KCNIP1: variants seen among roughly 807,000 people sequenced by gnomAD.
The protein encoded by KCNIP1 is potassium voltage-gated channel interacting protein 1.
A neutral mutation model predicts 33.0 loss-of-function variants in KCNIP1; 18 were observed. That is an observed-to-expected ratio of 0.55 (90% CI 0.38 to 0.81). The LOEUF (loss-of-function observed/expected upper bound fraction) is 0.81, where lower values mean the gene tolerates loss of function less well. Among genes scored for constraint, KCNIP1 ranks in the 30% least tolerant of loss-of-function variants. The pLI is 0.00. For missense variants in KCNIP1, 238 were observed against 271.6 expected, an observed-to-expected ratio of 0.88 and a Z score of 0.87; for synonymous variants, 93 against 98.3, an observed-to-expected ratio of 0.95 and a Z score of 0.32.
chr5:170,365,698 G>A (rs1486319268), intron 1 of KCNIP1, among the ~76,000 whole-genome samples: 4 of 152,196 alleles, frequency 2.6e-5, no homozygotes, highest in Admixed American at 1.3e-4. Context: ...AGGACTTTCT[G>A]GAAACATGAT....
intron 1 of KCNIP1, among the ~76,000 whole-genome samples, chr5:170,658,649 G>A (rs1761361371): frequency 6.6e-6 from 1 of 152,150 alleles, no homozygotes; most frequent in South Asian, 2.1e-4. Context: ...GTGGGCAGCT[G>A]AGGAAGGGTC....
rs563497675 is a variant in KCNIP1, at chr5:170,604,965, G to A, written c.61+100332G>A. Among the ~76,000 whole-genome samples, 8 of 152,266 alleles carry A rather than the reference G, an allele frequency of 5.3e-5. 1 individual carries two copies. The highest frequency in any genetic ancestry group is 5.2e-4 in the Admixed American group (8 of 15,300). On this transcript the variant is annotated intron_variant, in intron 1 of 7. Transcript: ENST00000328939. ...GAGCAGACTTGGTTCTGAGCCAGGG[G>A]GTCTCCCTCTTTCCCTCCTCCAGCT... is the stretch of plus-strand genomic sequence containing the variant.
intron 1 of KCNIP1, chr5:170,382,774 C>A (rs1764296507): frequency 6.6e-6 from 1 of 152,140 alleles, no homozygotes; most frequent in African/African-American, 2.4e-5. Flanking sequence ...GGAAAACATC[C>A]CCCTCCTCTA....
Position 170,383,602 on chromosome 5 carries a change from G to A in KCNIP1, c.88+29638G>A, listed in dbSNP as rs772605553. 13 of 1,519,870 alleles carry A rather than the reference G, an allele frequency of 8.6e-6. No homozygotes were observed. In the East Asian group the frequency reaches 2.9e-4, roughly 34 times the overall value. 94.1% of individuals were successfully genotyped at this position (1,519,870 alleles called of 1,614,324 possible). ...GTGGGTTGATCTTTCTCAGCCTCGG[G>A]GACAGGGACAGTTAGGAACAGGCTC... On this transcript the variant is annotated intron_variant, in intron 1 of 7. Transcript: ENST00000377360.
intron 1 of KCNIP1, among the ~76,000 whole-genome samples, chr5:170,555,077 C>T (rs1346800010): frequency 3.3e-5 from 5 of 152,158 alleles, no homozygotes; most frequent in Non-Finnish European, 7.3e-5. Context: ...GAATCACGTT[C>T]GTTCCCAGCC....
rs570562503 is a variant in KCNIP1 at position 170,360,979 on chromosome 5, C to G, written c.88+7015C>G. Among the ~76,000 whole-genome samples the G allele has an allele frequency of 4.0e-3, 606 of 152,342 alleles. 4 individuals carry two copies. The highest frequency in any genetic ancestry group is 0.014 in the African/African-American group (577 of 41,578). ...TATCTCCCTTGTCTGAATTCCTGTGCTGGAGTTTGACAGCAGTGACCAGCC... is the reference window on the plus strand; with the variant it reads ...TATCTCCCTTGTCTGAATTCCTGTGGTGGAGTTTGACAGCAGTGACCAGCC... On this transcript the variant is annotated intron_variant, in intron 1 of 7. Coordinates refer to the KCNIP1 transcript ENST00000377360.
intron 2 of KCNIP1, 48 bp downstream of exon 2, chr5:170,718,930 G>A: frequency 1.3e-6 from 2 of 1,582,582 alleles, no homozygotes; most frequent in Admixed American, 2.0e-5. Context: ...TCCCACGTGA[G>A]GCTACACTCT....
chr5:170,456,850 C>G (rs1461999155), intron 1 of KCNIP1, among the ~76,000 whole-genome samples: 1 of 152,034 alleles, frequency 6.6e-6, no homozygotes, highest in African/African-American at 2.4e-5. Context: ...TCTCGAGTAG[C>G]TGGAACCACA....
chr5:170,735,645 T>C (rs1764361949), intron 7 of KCNIP1, 114 bp from the exon 8 acceptor site: 1 of 885,350 alleles, frequency 1.1e-6, no homozygotes, highest in Non-Finnish European at 1.9e-6. Flanking sequence ...TTTCATACCC[T>C]TGTAGAGTTT....
chr5:170,480,071 C>A (rs1179793634), intron 1 of KCNIP1, among the ~76,000 whole-genome samples: 1 of 152,170 alleles, frequency 6.6e-6, no homozygotes, highest in Non-Finnish European at 1.5e-5. Context: ...CACAAAACGT[C>A]ATACTGATTG....
chr5:170,479,111 G>A (rs1308998714), intron 1 of KCNIP1, among the ~76,000 whole-genome samples: 1 of 152,192 alleles, frequency 6.6e-6, no homozygotes, highest in East Asian at 1.9e-4. Context: ...GAGAACTAGG[G>A]GCTTGTATTT....
chr5:170,368,096 G>A (rs992675378), intron 1 of KCNIP1, among the ~76,000 whole-genome samples: 2 of 152,156 alleles, frequency 1.3e-5, no homozygotes, highest in East Asian at 1.9e-4. Context: ...TATTGATATC[G>A]TATCAAGTAG....
intron 1 of KCNIP1, among the ~76,000 whole-genome samples, chr5:170,434,446 C>T (rs1329093536): frequency 6.6e-6 from 1 of 152,160 alleles, no homozygotes; most frequent in Non-Finnish European, 1.5e-5. Flanking sequence ...AATCGGGTGG[C>T]ATCCTGGATA....
intron 1 of KCNIP1, among the ~76,000 whole-genome samples, chr5:170,594,187 G>A (rs1049208120): frequency 8.5e-5 from 13 of 152,134 alleles, no homozygotes; most frequent in African/African-American, 2.9e-4. Flanking sequence ...ATGAAGCACC[G>A]TAGGAGTTCC....
At chr5:170,649,614 G>T (rs1229150172) in intron 1 of KCNIP1, among the ~76,000 whole-genome samples, 1 of 152,180 alleles carries the variant, frequency 6.6e-6, no homozygotes, top group Non-Finnish European at 1.5e-5. Context: ...GTCTGGATCT[G>T]CCCTGTGGGA....
intron 1 of KCNIP1, among the ~76,000 whole-genome samples, chr5:170,415,687 T>C (rs534500299): frequency 6.4e-4 from 97 of 152,322 alleles, no homozygotes; most frequent in African/African-American, 2.2e-3. Flanking sequence ...CCCTGGTGTC[T>C]CTCTCGTTTG....
Position 170,434,420 on chromosome 5 carries a change from T to C in KCNIP1, c.88+80456T>C, listed in dbSNP as rs551486167. ...TGGAGTGAGAGGCCTCCTGGGGTGT[T>C]TGCTTTCCAGCCCCCAATCGGGTGG... On this transcript the variant is annotated intron_variant, in intron 1 of 7. Coordinates refer to the KCNIP1 transcript ENST00000377360. Among the ~76,000 whole-genome samples the C allele has an allele frequency of 1.1e-4, 17 of 152,272 alleles. 1 individual carries two copies. Among genetic ancestry groups the C allele is most frequent in the African/African-American group, 1.7e-4 (7 of 41,558 alleles).
intron 1 of KCNIP1, among the ~76,000 whole-genome samples, chr5:170,525,412 C>T (rs555162952): frequency 6.6e-6 from 1 of 152,198 alleles, no homozygotes; most frequent in African/African-American, 2.4e-5. Context: ...TTAGGTAGTG[C>T]CTGAGATTTA....
At chr5:170,457,347 G>C (rs1272305902) in intron 1 of KCNIP1, among the ~76,000 whole-genome samples, 1 of 152,226 alleles carries the variant, frequency 6.6e-6, no homozygotes, top group Non-Finnish European at 1.5e-5. Context: ...GTCAGGAAGA[G>C]TACGGAGAGG....
Sources: gnomAD v4.1 joint callset for allele counts (sites outside exome capture counted in the v4.1 genomes callset) on GRCh38, gnomAD v4.1.1 for gene constraint, MANE v1.5 for transcripts, NCBI Gene and HGNC (gene_info 2026-07-23, HGNC 2026-07-21) for gene names.